The following ABCB5 variants were observed in gnomAD, a reference collection of about 807,000 sequenced individuals.
ABCB5 encodes ATP-binding cassette sub-family B member 5.
A neutral mutation model predicts 144.2 loss-of-function variants in ABCB5; 155 were observed. The ratio of observed to expected loss-of-function variants is 1.08; its 90% CI spans 0.94 to 1.23. The LOEUF is 1.23. ABCB5 is among the 50% of genes most tolerant of loss of function. The pLI is 0.00. For missense variants in ABCB5, 1,830 were observed against 1,520.8 expected (o/e 1.20, Z -3.38); for synonymous variants, 610 against 528.6 (o/e 1.15, Z -2.11).
intron 23 of ABCB5, among the ~76,000 whole-genome samples, chr7:20,738,124 G>C (rs1782448090): frequency 6.6e-6 from 1 of 152,188 alleles, no homozygotes; most frequent in Non-Finnish European, 1.5e-5. Context: ...ACTGGGTTCT[G>C]TGATGACCCT....
At chr7:20,643,398 CG>C in intron 6 of ABCB5, 23 bp downstream of exon 6, 1 of 1,613,332 alleles carries the variant, frequency 6.2e-7, no homozygotes, top group Non-Finnish European at 8.5e-7. Context: ...TATTGTAGTA[CG>C]TTAGCTTTGT....
At chr7:20,669,230 C>T (rs1308273140) in intron 14 of ABCB5, among the ~76,000 whole-genome samples, 6 of 143,978 alleles carry the variant, frequency 4.2e-5, no homozygotes, top group Admixed American at 2.7e-4. Flanking sequence ...GAGGTGTGCC[C>T]AGCGGCTCAT....
intron 19 of ABCB5, 111 bp from the exon 20 acceptor site, chr7:20,704,613 A>G: frequency 4.3e-6 from 3 of 690,612 alleles, no homozygotes; most frequent in Admixed American, 5.0e-5. Flanking sequence ...GGAATTAAGT[A>G]CCTGTGAGTG....
rs753193962 is a variant in ABCB5 at position 20,643,486 on chromosome 7, A to G, written c.532A>G (p.Ile178Val). 6.2e-7 allele frequency: 1 copy of G among 1,614,016 alleles called. No individual in the cohort carries two copies. ...TGACATTGACAAAATCAGTGATGGT[A>G]TTGGAGATAAGATTGCTCTGTTGTT... ...TDDIDKISDG[I>V]GDKIALLFQN... is the part of the protein sequence containing the mutation. The change falls in exon 7 of 28, where the codon ATT becomes GTT. Residue 178 changes from isoleucine to valine, a missense_variant. By Grantham distance (29) the Ile-to-Val change is conservative. Coordinates refer to ENST00000404938, the MANE Select transcript of ABCB5 (RefSeq NM_001163941.2).
At chr7:20,626,407 T>A in intron 2 of ABCB5, 150 bp from the exon 3 acceptor site, 1 of 605,052 alleles carries the variant, frequency 1.7e-6, no homozygotes, top group South Asian at 2.5e-5. Context: ...CAGTGACAAC[T>A]GTCTATCATT....
chr7:20,660,153 T>C (rs1404329725), intron 14 of ABCB5: 1 of 981,524 alleles, frequency 1.0e-6, no homozygotes, highest in African/African-American at 1.8e-5. Context: ...CTAATAAATG[T>C]TATTCTTATT....
Position 20,710,128 on chromosome 7 carries a change from A to G in ABCB5, c.2421+5321A>G, listed in dbSNP as rs188218996. Among the ~76,000 whole-genome samples, 275 of 148,308 alleles carry G rather than the reference A, an allele frequency of 1.9e-3. 17 individuals carry two copies. Among genetic ancestry groups the G allele is most frequent in the African/African-American group, 6.5e-3 (259 of 40,114 alleles). On this transcript the variant is annotated intron_variant, in intron 20 of 27. Coordinates refer to ENST00000404938, the MANE Select transcript of ABCB5 (RefSeq NM_001163941.2). ...CACGCCTGTAATCCCAGCACCCAGC[A>G]CTTTGGGAGACCGAGGCGGGTGGAT...
intron 23 of ABCB5, among the ~76,000 whole-genome samples, chr7:20,733,493 A>T (rs189239243): frequency 1.3e-5 from 2 of 152,262 alleles, no homozygotes; most frequent in Admixed American, 6.5e-5. Flanking sequence ...TTTAACTATC[A>T]GAACATATGA....
chr7:20,657,367 T>C (rs1330113291), intron 13 of ABCB5, among the ~76,000 whole-genome samples: 1 of 152,264 alleles, frequency 6.6e-6, no homozygotes, highest in Non-Finnish European at 1.5e-5. Context: ...GCTTTGTGTT[T>C]TCTTGTGTGT....
At chr7:20,668,472 A>G (rs1371354622) in intron 14 of ABCB5, among the ~76,000 whole-genome samples, 111 of 147,220 alleles carry the variant, frequency 7.5e-4, no homozygotes, top group African/African-American at 2.7e-3. Context: ...GAAGCGAGGA[A>G]ACCCTCTGCC....
chr7:20,647,295 T>C (rs1229931418), intron 9 of ABCB5: 1 of 1,251,474 alleles, frequency 8.0e-7, no homozygotes, highest in Non-Finnish European at 1.0e-6. Flanking sequence ...TCAAAAGTTG[T>C]TCCTTATTAG....
At chr7:20,718,068 A>AT (rs1200340670) in intron 20 of ABCB5, among the ~76,000 whole-genome samples, 1 of 144,594 alleles carries the variant, frequency 6.9e-6, no homozygotes, top group Admixed American at 7.0e-5. Context: ...CGCCTGGCTA[A>AT]TTTTTTTGTG....
Position 20,646,032 on chromosome 7 carries a change from G to A in ABCB5, c.875G>A (p.Gly292Asp). 6.2e-7 allele frequency: 1 copy of A among 1,613,840 alleles called. No individual in the cohort carries two copies. Among genetic ancestry groups the A allele is most frequent in the Non-Finnish European group, 8.5e-7 (1 of 1,179,804 alleles). The change falls in exon 9 of 28, where the codon GGT becomes GAT. Residue 292 changes from glycine (G) to aspartate (D), a missense_variant. Gly to Asp is a moderately conservative substitution (Grantham distance 94). Transcript: ENST00000404938. Reference protein sequence around the residue: ...KRTIASKVSLGAVYFFMNGTY... With the variant: ...KRTIASKVSLDAVYFFMNGTY... Reference sequence around the variant, plus strand: ...ACTATAGCTTCAAAAGTGTCTCTTGGTGCTGTGTACTTCTTTATGAATGGA... The same window carrying A: ...ACTATAGCTTCAAAAGTGTCTCTTGATGCTGTGTACTTCTTTATGAATGGA...
At chr7:20,664,985 T>C (rs1176263614) in intron 14 of ABCB5, among the ~76,000 whole-genome samples, 2 of 152,252 alleles carry the variant, frequency 1.3e-5, no homozygotes, top group African/African-American at 2.4e-5. Context: ...TAAATGATGA[T>C]AAATAATTTT....
intron 20 of ABCB5, among the ~76,000 whole-genome samples, chr7:20,705,513 C>T (rs1371673986): frequency 1.3e-5 from 2 of 152,062 alleles, no homozygotes; most frequent in African/African-American, 4.8e-5. Context: ...AACAAGGTTT[C>T]CTACTTTAAA....
Position 20,755,638 on chromosome 7 carries a change from G to A in ABCB5, c.*14G>A, listed in dbSNP as rs1371112405. The stretch of plus-strand genomic sequence containing the variant: ...TCAGTGCAGTGATGCTGTTGAGGTA[G>A]CACATATTTTGATGTTCGTGTAATG... On this transcript the variant is annotated 3_prime_UTR_variant, in exon 28 of 28. Transcript: ENST00000404938. 1.2e-6 allele frequency: 2 copies of A among 1,612,358 alleles called. No homozygotes were observed. The highest frequency in any genetic ancestry group is 1.1e-5 in the South Asian group (1 of 90,926).
intron 12 of ABCB5, 38 bp from the exon 13 acceptor site, chr7:20,651,382 A>G: frequency 6.2e-7 from 1 of 1,607,252 alleles, no homozygotes; most frequent in Non-Finnish European, 8.5e-7. Flanking sequence ...CAATACAGTA[A>G]AAGGCATCAC....
intron 13 of ABCB5, among the ~76,000 whole-genome samples, chr7:20,654,202 G>A (rs1382983460): frequency 6.6e-6 from 1 of 151,068 alleles, no homozygotes; most frequent in Admixed American, 6.6e-5. Context: ...TTTTGTTTTT[G>A]TTTTCAGAAG....
At position 20,647,586 on chromosome 7, in the gene ABCB5, C is replaced by G. The variant is rs1432463357; in HGVS notation, c.1033C>G (p.His345Asp). Residue 345 changes from histidine (H) to aspartate (D), a missense_variant, in exon 10 of 28, where the codon CAC (histidine) becomes GAC (aspartate). Coordinates refer to ENST00000404938, the MANE Select transcript of ABCB5 (RefSeq NM_001163941.2). ...SSYCIGAAVP[H>D]FETFAIARGA... ...TTATTGCATTGGAGCAGCAGTCCCT[C>G]ACTTTGAAACCTTCGCAATAGCCCG... is the stretch of plus-strand genomic sequence containing the variant. 6 of 1,590,406 alleles carry G rather than the reference C, an allele frequency of 3.8e-6. No homozygotes were observed. Among genetic ancestry groups the G allele is most frequent in the Non-Finnish European group, 5.1e-6 (6 of 1,167,194 alleles).
Sources: gnomAD v4.1 joint callset for allele counts (sites outside exome capture counted in the v4.1 genomes callset) on GRCh38, gnomAD v4.1.1 for gene constraint, MANE v1.5 for transcripts, NCBI Gene and HGNC (gene_info 2026-07-23, HGNC 2026-07-21) for gene names.